The following SYNE1 variants were observed in gnomAD, a reference collection of about 807,000 sequenced individuals.
SYNE1 encodes the protein spectrin repeat containing nuclear envelope protein 1.
In SYNE1, 616 loss-of-function variants were observed where a neutral mutation model predicts 1,111.0. That is an observed-to-expected ratio of 0.55 (90% CI 0.52 to 0.59). The LOEUF (loss-of-function observed/expected upper bound fraction) is 0.59, where lower values mean the gene tolerates loss of function less well. SYNE1 is among the 20% of genes least tolerant of loss of function. The pLI, the probability that SYNE1 is intolerant of heterozygous loss-of-function variation, is 0.00. For synonymous variants in SYNE1, 3,855 were observed against 3,825.8 expected, an observed-to-expected ratio of 1.01 and a Z score of -0.28; for missense variants, 10,006 against 10,417.0, an observed-to-expected ratio of 0.96 and a Z score of 1.72.
chr6:152,330,327 C>T lies in SYNE1; in HGVS notation c.14358G>A (p.Met4786Ile). Reference sequence around the variant, plus strand: ...TCAGTTGTCTCTCCAGCTGTTGGCACATCTTCTCGTGTTCTTGGTAAGCAC... The same window carrying T: ...TCAGTTGTCTCTCCAGCTGTTGGCATATCTTCTCGTGTTCTTGGTAAGCAC... The part of the protein sequence containing the change: ...TTSAYQEHEK[M>I]CQQLERQLKS... Residue 4786 changes from methionine (M) to isoleucine (I), a missense_variant, in exon 78 of 146, where the codon ATG (methionine) becomes ATA (isoleucine). Met to Ile is a conservative substitution (Grantham distance 10, BLOSUM62 1). Transcript: ENST00000367255. The T allele has an allele frequency of 6.2e-7, 1 of 1,614,198 alleles. No individual in the cohort carries two copies. Among genetic ancestry groups the T allele is most frequent in the Non-Finnish European group, 8.5e-7 (1 of 1,180,032 alleles).
At chr6:152,549,265 G>C (rs970744909) in intron 3 of SYNE1, among the ~76,000 whole-genome samples, 1 of 152,312 alleles carries the variant, frequency 6.6e-6, no homozygotes, top group African/African-American at 2.4e-5. Flanking sequence ...CTAAAGATCA[G>C]CCCCCTGCCT....
Position 152,409,589 on chromosome 6 carries a change from A to G in SYNE1, c.6351T>C (p.Asp2117=). The change falls in exon 43 of 146, where the codon GAT becomes GAC. Residue 2117 remains aspartate, a synonymous_variant. Coordinates refer to ENST00000367255, the MANE Select transcript of SYNE1 (RefSeq NM_182961.4). The part of the protein sequence containing the change: ...SVIVTRTTIK[D]QEDLKWAFSK... ...AAAAAGCCCATTTAAGATCCTCCTG[A>G]TCTTTTATGGTAGTTCTGGTTACAA... 1 of 1,613,814 alleles carries G rather than the reference A, an allele frequency of 6.2e-7. No individual in the cohort carries two copies. Among genetic ancestry groups the G allele is most frequent in the South Asian group, 1.1e-5 (1 of 91,074 alleles).
intron 112 of SYNE1, 110 bp downstream of exon 112, chr6:152,233,671 G>C: frequency 7.5e-7 from 1 of 1,341,768 alleles, no homozygotes; most frequent in South Asian, 1.2e-5. Flanking sequence ...AAGAGGCCAG[G>C]TGTCTGGGAC....
intron 4 of SYNE1, among the ~76,000 whole-genome samples, chr6:152,527,849 GT>G (rs1388904760): frequency 6.6e-6 from 1 of 152,184 alleles, no homozygotes; most frequent in African/African-American, 2.4e-5. Flanking sequence ...ATACACAGGT[GT>G]CTGCCACTTT....
Position 152,231,374 on chromosome 6 carries a change from G to A in SYNE1, c.21039+17C>T, listed in dbSNP as rs530920638. On this transcript the variant is annotated intron_variant, in intron 114 of 145. Coordinates refer to ENST00000367255, the MANE Select transcript of SYNE1 (RefSeq NM_182961.4). ...GGTTTTCATGTAAATCTGGACAGTGGGAAGCCACTGGCTTACCTTCTCAGT... is the reference window on the plus strand; with the variant it reads ...GGTTTTCATGTAAATCTGGACAGTGAGAAGCCACTGGCTTACCTTCTCAGT... 5.6e-6 allele frequency: 9 copies of A among 1,613,820 alleles called. No individual in the cohort carries two copies. In the Admixed American group the frequency reaches 1.2e-4, roughly 21 times the overall value.
rs142545714 is a variant in SYNE1, at chr6:152,300,842, C to T, written c.17542-61G>A. Reference sequence around the variant, plus strand: ...TCAATTAGCTATGTTAACATAAGTCCTGTTCAGGCACAGGCCAAAACAGAG... The same window carrying T: ...TCAATTAGCTATGTTAACATAAGTCTTGTTCAGGCACAGGCCAAAACAGAG... On this transcript the variant is annotated intron_variant, in intron 92 of 145. Transcript: ENST00000367255. The T allele has an allele frequency of 6.6e-5, 107 of 1,612,960 alleles. No individual in the cohort carries two copies. In the African/African-American group the frequency reaches 1.3e-3, roughly 20 times the overall value.
chr6:152,238,025 A>G (rs894608848), intron 108 of SYNE1, among the ~76,000 whole-genome samples: 4 of 152,320 alleles, frequency 2.6e-5, no homozygotes, highest in South Asian at 4.1e-4. Context: ...GGGAGTAAAT[A>G]AAACAGACAC....
chr6:152,532,026 T>A (rs1387760165), intron 4 of SYNE1, among the ~76,000 whole-genome samples: 1 of 152,212 alleles, frequency 6.6e-6, no homozygotes, highest in Non-Finnish European at 1.5e-5. Context: ...AGAAGTGGAA[T>A]TGCTGAACTA....
At chr6:152,188,815 G>A (rs1265481522) in intron 128 of SYNE1, among the ~76,000 whole-genome samples, 1 of 150,902 alleles carries the variant, frequency 6.6e-6, no homozygotes, top group Non-Finnish European at 1.5e-5. Flanking sequence ...AAAATTAGCT[G>A]GGCATGGTGG....
chr6:152,452,996 C>T (rs2098663895), intron 25 of SYNE1, among the ~76,000 whole-genome samples: 1 of 152,172 alleles, frequency 6.6e-6, no homozygotes, highest in South Asian at 2.1e-4. Flanking sequence ...GTGGTTCCAC[C>T]TCCCTCTTTC....
At chr6:152,145,437 A>T in intron 137 of SYNE1, 1 of 1,542,736 alleles carries the variant, frequency 6.5e-7, no homozygotes, top group Non-Finnish European at 9.0e-7. Context: ...AGAGAGGAGG[A>T]TTGCTATACA....
intron 2 of SYNE1, among the ~76,000 whole-genome samples, chr6:152,629,321 C>T (rs909547721): frequency 2.6e-5 from 4 of 152,098 alleles, no homozygotes; most frequent in East Asian, 3.9e-4. Flanking sequence ...TCTCATGCCT[C>T]AGCCTCCTAA....
chr6:152,231,420 G>T lies in SYNE1; in HGVS notation c.21010C>A (p.Gln7004Lys). ...TCAGTTACTAGACCTTGCAGAATTT[G>T]CCAACTTTTATTCATTGCTCCAAGT... Reference protein sequence around the residue: ...EQLGAMNKSWQILQGLVTEKI... With the variant: ...EQLGAMNKSWKILQGLVTEKI... The change falls in exon 114 of 146, where the codon CAA becomes AAA. Residue 7004 changes from glutamine to lysine, a missense_variant. Gln to Lys is a moderately conservative substitution (Grantham distance 53). Around this residue, in one of 7 missense-constraint regions of SYNE1, gnomAD observed 2,182 missense variants for 2,287.8 expected, o/e 0.95. Transcript: ENST00000367255. The T allele has an allele frequency of 3.1e-6, 5 of 1,614,074 alleles. No homozygotes were observed. The highest frequency in any genetic ancestry group is 4.2e-6 in the Non-Finnish European group (5 of 1,180,022).
intron 85 of SYNE1, 74 bp from the exon 86 acceptor site, chr6:152,318,337 G>T: frequency 6.5e-7 from 1 of 1,534,164 alleles, no homozygotes; most frequent in South Asian, 1.1e-5. Context: ...AGATCAGACT[G>T]ATTTTTGTCA....
chr6:152,155,817 G>C lies in SYNE1; in HGVS notation c.23978+93C>G, dbSNP rs2813495. 0.78 allele frequency: 1,170,269 copies of C among 1,497,098 alleles called. 458,202 individuals are homozygous for C. Among genetic ancestry groups the C allele is most frequent in the Admixed American group, 0.88 (47,943 of 54,708 alleles). 92.7% of individuals were successfully genotyped at this position (1,497,098 alleles called of 1,614,324 possible). On this transcript the variant is annotated intron_variant, in intron 132 of 145. Transcript: ENST00000367255. ...CACAGCTATTTTTGGACATTGTAAC[G>C]AACAGGAAAGAGTGAACAGTGGATA...
At chr6:152,332,023 T>G (rs2096259826) in intron 77 of SYNE1, 133 bp from the exon 78 acceptor site, 1 of 1,289,056 alleles carries the variant, frequency 7.8e-7, no homozygotes, top group Non-Finnish European at 1.1e-6. Flanking sequence ...CAGGCTGGAG[T>G]GCAATGAATG....
chr6:152,462,496 T>C, intron 20 of SYNE1: 1 of 592,832 alleles, frequency 1.7e-6, no homozygotes, highest in South Asian at 2.2e-5. Flanking sequence ...ACTTTTTAAC[T>C]TGGTTGTAGA....
chr6:152,283,404 T>G (rs1408676820), intron 96 of SYNE1, among the ~76,000 whole-genome samples: 1 of 152,234 alleles, frequency 6.6e-6, no homozygotes, highest in African/African-American at 2.4e-5. Context: ...AAGGCTCATG[T>G]CTACCAAGAA....
chr6:152,290,621 T>C (rs2094557274), intron 95 of SYNE1, among the ~76,000 whole-genome samples: 1 of 151,974 alleles, frequency 6.6e-6, no homozygotes, highest in Non-Finnish European at 1.5e-5. Context: ...TCCACACAAA[T>C]TCAGTAGTTT....
Sources: allele counts gnomAD v4.1 joint callset (sites outside exome capture counted in the v4.1 genomes callset), GRCh38; gene constraint gnomAD v4.1.1; regional missense constraint gnomAD v4.1.1; transcripts MANE v1.5; gene names NCBI Gene and HGNC (gene_info 2026-07-23, HGNC 2026-07-21).